CCDC91: variants seen among roughly 807,000 people sequenced by gnomAD.
CCDC91 encodes the protein coiled-coil domain-containing protein 91.
CCDC91 carries 48 observed loss-of-function variants against 63.2 expected under a neutral mutation model. The ratio of observed to expected loss-of-function variants is 0.76; its 90% confidence interval spans 0.60 to 0.97. The LOEUF (loss-of-function observed/expected upper bound fraction) is 0.97. Among genes scored for constraint, CCDC91 ranks in the 50% least tolerant of loss-of-function variants. The pLI, the probability that CCDC91 is intolerant of heterozygous loss-of-function variation, is 0.00. For synonymous variants in CCDC91, 167 were observed against 165.8 expected (o/e 1.01, Z -0.06); for missense variants, 500 against 494.6 (o/e 1.01, Z -0.10).
intron 8 of CCDC91, among the ~76,000 whole-genome samples, chr12:28,405,096 A>C (rs1353734598): frequency 1.3e-5 from 2 of 151,670 alleles, no homozygotes; most frequent in African/African-American, 4.8e-5. Flanking sequence ...TTTGTCTTTC[A>C]TACTTTTTCT....
Position 28,549,670 on chromosome 12 carries a change from C to T in CCDC91, c.*497C>T, listed in dbSNP as rs1386946641. 6.6e-6 allele frequency: 1 copy of T among 152,156 alleles called. No homozygotes were observed. The highest frequency in any genetic ancestry group is 2.4e-5 in the African/African-American group (1 of 41,438). The allele number at this position is 152,156 out of a possible 1,614,324, so 9.4% of individuals were successfully genotyped here. A position where few individuals can be genotyped will look rare whatever the true frequency, so the allele number is the denominator to read the frequency against. On this transcript the variant is annotated 3_prime_UTR_variant, in exon 13 of 13. Transcript: ENST00000536442. ...CCGATATGATAGAGAATCATTCCGG[C>T]ATTACCTAACCTCTTCTGCAGTTGG... is the stretch of plus-strand genomic sequence containing the variant.
At chr12:28,266,966 TA>T (rs978938394) in intron 3 of CCDC91, among the ~76,000 whole-genome samples, 1 of 151,948 alleles carries the variant, frequency 6.6e-6, no homozygotes, top group Non-Finnish European at 1.5e-5. Flanking sequence ...ACCATTCTTA[TA>T]CCAGTATATA....
intron 12 of CCDC91, among the ~76,000 whole-genome samples, chr12:28,491,819 T>G (rs1592834647): frequency 6.6e-6 from 1 of 151,772 alleles, no homozygotes; most frequent in East Asian, 1.9e-4. Flanking sequence ...TTTGGCTTAT[T>G]ATATTGATAT....
chr12:28,306,691 G>A lies in CCDC91; in HGVS notation c.268-51G>A, dbSNP rs534599999. On this transcript the variant is annotated intron_variant, in intron 4 of 12. Transcript: ENST00000536442. ...TGCCCTTTGGATGTTTTCATTATTGGTATAGTGTAAACTTTCCTCTCTTGT... is the reference window on the plus strand; with the variant it reads ...TGCCCTTTGGATGTTTTCATTATTGATATAGTGTAAACTTTCCTCTCTTGT... 26 of 1,262,072 alleles carry A rather than the reference G, an allele frequency of 2.1e-5. No homozygotes were observed. In the East Asian group the frequency reaches 5.9e-4, roughly 28 times the overall value. 78.2% of individuals were successfully genotyped at this position (1,262,072 alleles called of 1,614,324 possible).
chr12:28,464,256 A>C (rs1950445370), intron 11 of CCDC91, among the ~76,000 whole-genome samples: 1 of 152,204 alleles, frequency 6.6e-6, no homozygotes, highest in African/African-American at 2.4e-5. Flanking sequence ...TGAATGCAGA[A>C]GTCTAGGCCA....
chr12:28,341,782 G>A (rs1327699535), intron 6 of CCDC91, among the ~76,000 whole-genome samples: 1 of 152,162 alleles, frequency 6.6e-6, no homozygotes, highest in African/African-American at 2.4e-5. Flanking sequence ...CTGAGAATGC[G>A]TGGCTAGTGG....
chr12:28,493,558 A>G (rs2141023667), intron 12 of CCDC91, among the ~76,000 whole-genome samples: 1 of 151,772 alleles, frequency 6.6e-6, no homozygotes, highest in Middle Eastern at 3.4e-3. Context: ...CATGCATGGA[A>G]TATGCCCCAA....
At chr12:28,286,292 G>T (rs1199924870) in intron 3 of CCDC91, among the ~76,000 whole-genome samples, 1 of 152,000 alleles carries the variant, frequency 6.6e-6, no homozygotes, top group Non-Finnish European at 1.5e-5. Context: ...GGGGTTTGTT[G>T]TACAGATTAT....
intron 7 of CCDC91, among the ~76,000 whole-genome samples, chr12:28,389,887 A>G (rs1945829554): frequency 6.6e-6 from 1 of 152,116 alleles, no homozygotes; most frequent in Non-Finnish European, 1.5e-5. Flanking sequence ...CACACAGGTA[A>G]GTTAGATTTA....
chr12:28,202,975 A>T (rs1172256304), intron 1 of CCDC91, among the ~76,000 whole-genome samples: 2 of 152,230 alleles, frequency 1.3e-5, no homozygotes, highest in Non-Finnish European at 2.9e-5. Flanking sequence ...CTTAGGTCAA[A>T]TAAAGACAAG....
intron 6 of CCDC91, among the ~76,000 whole-genome samples, chr12:28,336,565 G>A (rs1941997677): frequency 6.6e-6 from 1 of 152,124 alleles, no homozygotes; most frequent in African/African-American, 2.4e-5. Context: ...GGGTAGGCTT[G>A]TTGGTGACTA....
At chr12:28,274,718 C>G (rs1313519008) in intron 3 of CCDC91, among the ~76,000 whole-genome samples, 2 of 152,116 alleles carry the variant, frequency 1.3e-5, no homozygotes, top group East Asian at 3.9e-4. Flanking sequence ...CTGAGGTTGC[C>G]TATCAGCTTA....
chr12:28,333,498 T>A (rs1941681475), intron 6 of CCDC91, among the ~76,000 whole-genome samples: 1 of 152,058 alleles, frequency 6.6e-6, no homozygotes, highest in African/African-American at 2.4e-5. Flanking sequence ...TATTTTTGGG[T>A]TACAAATAAG....
intron 11 of CCDC91, among the ~76,000 whole-genome samples, chr12:28,468,989 T>A (rs1314155521): frequency 6.6e-6 from 1 of 151,922 alleles, no homozygotes; most frequent in African/African-American, 2.4e-5. Flanking sequence ...TCATACTGAA[T>A]GGGGAAAAAC....
intron 12 of CCDC91, among the ~76,000 whole-genome samples, chr12:28,500,921 T>C (rs2141121802): frequency 6.6e-6 from 1 of 151,806 alleles, no homozygotes; most frequent in East Asian, 1.9e-4. Context: ...TCATTTCAAA[T>C]GAAACAAGTC....
chr12:28,493,345 G>A (rs1480977656), intron 12 of CCDC91, among the ~76,000 whole-genome samples: 1 of 151,590 alleles, frequency 6.6e-6, no homozygotes, highest in Non-Finnish European at 1.5e-5. Context: ...TAATATTCTA[G>A]GAATTATTAC....
chr12:28,373,751 A>C (rs1944768680), intron 7 of CCDC91, among the ~76,000 whole-genome samples: 1 of 152,080 alleles, frequency 6.6e-6, no homozygotes, highest in African/African-American at 2.4e-5. Context: ...CTTGAATTGT[A>C]GTTCCTATAA....
chr12:28,363,854 G>A (rs552961596), intron 7 of CCDC91, among the ~76,000 whole-genome samples: 27 of 134,636 alleles, frequency 2.0e-4, no homozygotes, highest in African/African-American at 6.1e-4. Context: ...TCTAGCCTGG[G>A]CAACAGAGCA....
chr12:28,526,409 T>A (rs1216113748), intron 12 of CCDC91, among the ~76,000 whole-genome samples: 3 of 152,134 alleles, frequency 2.0e-5, no homozygotes, highest in Non-Finnish European at 4.4e-5. Flanking sequence ...AATTGTTTTG[T>A]TTGAGGAGGC....
Sources: allele counts gnomAD v4.1 joint callset (sites outside exome capture counted in the v4.1 genomes callset), GRCh38; gene constraint gnomAD v4.1.1; transcripts MANE v1.5; gene names NCBI Gene and HGNC (gene_info 2026-07-23, HGNC 2026-07-21).